The following PSME3 variants were observed in gnomAD, a reference collection of about 807,000 sequenced individuals.
The protein encoded by PSME3 is proteasome activator complex subunit 3.
A neutral mutation model predicts 38.3 loss-of-function variants in PSME3; 7 were observed. The ratio of observed to expected loss-of-function variants is 0.18; its 90% CI spans 0.10 to 0.34. PSME3 has a LOEUF of 0.34. Ranked by LOEUF, PSME3 falls within the 10% of genes least tolerant of loss-of-function variation. The probability of loss-of-function intolerance (pLI) is 1.00; values close to 1 mark genes in which losing one functional copy is unlikely to be tolerated. For synonymous variants in PSME3, 108 were observed against 105.7 expected, an observed-to-expected ratio of 1.02 and a Z score of -0.13; for missense variants, 192 against 307.6, an observed-to-expected ratio of 0.62 and a Z score of 2.81.
Position 42,837,630 on chromosome 17 carries a change from T to C in PSME3, c.244-19T>C, listed in dbSNP as rs752657970. 26 of 1,613,824 alleles carry C rather than the reference T, an allele frequency of 1.6e-5. No homozygotes were observed. Among genetic ancestry groups the C allele is most frequent in the Non-Finnish European group, 2.1e-5 (25 of 1,179,798 alleles). On this transcript the variant is annotated intron_variant, in intron 4 of 10. Coordinates refer to ENST00000590720, the MANE Select transcript of PSME3 (RefSeq NM_005789.4). ...TGGGTGTCAAAACTAGGCTCATCCC[T>C]GCCTCTTTGTATCCTTAGCCCACTT...
intron 6 of PSME3, 82 bp downstream of exon 6, chr17:42,838,287 T>G: frequency 6.3e-7 from 1 of 1,574,980 alleles, no homozygotes; most frequent in Non-Finnish European, 8.6e-7. Context: ...ACGGGTGGTA[T>G]GGGAATTGGC....
At chr17:42,833,886 G>T in intron 1 of PSME3, 1 of 1,463,344 alleles carries the variant, frequency 6.8e-7, no homozygotes, top group Non-Finnish European at 9.0e-7. Context: ...GAGAGTCCCG[G>T]GGACACCTCC....
At position 42,834,865 on chromosome 17, in the gene PSME3, G is replaced by A. The variant is rs2055443044; in HGVS notation, c.232G>A (p.Gly78Arg). Reference sequence around the variant, plus strand: ...CATTCTTCTCACCAATAGCCATGATGGACTGGATGGTGTAAGTGTCCTATA... The same window carrying A: ...CATTCTTCTCACCAATAGCCATGATAGACTGGATGGTGTAAGTGTCCTATA... ...DPILLTNSHD[G>R]LDGPTYKKRR... Residue 78 changes from glycine (G) to arginine (R), a missense_variant, in exon 4 of 11, where the codon GGA becomes AGA. Transcript: ENST00000590720. 6.2e-7 allele frequency: 1 copy of A among 1,613,692 alleles called. No homozygotes were observed. The highest frequency in any genetic ancestry group is 8.5e-7 in the Non-Finnish European group (1 of 1,179,902).
chr17:42,838,867 T>C (rs912166306), intron 7 of PSME3, 68 bp downstream of exon 7: 1 of 1,579,342 alleles, frequency 6.3e-7, no homozygotes. Flanking sequence ...CTGCGTTACC[T>C]TTTTTTCCTT....
rs2055544290 is a variant in PSME3 at position 42,842,329 on chromosome 17, T to G, written c.*751T>G. 1 of 152,794 alleles carries G rather than the reference T, an allele frequency of 6.5e-6. No homozygotes were observed. Among genetic ancestry groups the G allele is most frequent in the South Asian group, 2.1e-4 (1 of 4,830 alleles). The allele number at this position is 152,794 out of a possible 1,614,324, so 9.5% of individuals were successfully genotyped here. The stretch of plus-strand genomic sequence containing the variant: ...ACCTTTCAGGAGGTGACAGTTGTCT[T>G]AGTTGTCATCTACCCAGACAAACGT... On this transcript the variant is annotated 3_prime_UTR_variant, in exon 11 of 11. Transcript: ENST00000590720.
At chr17:42,833,807 C>G (rs746416437) in intron 1 of PSME3, 134 bp downstream of exon 1, 4 of 1,582,382 alleles carry the variant, frequency 2.5e-6, no homozygotes, top group Admixed American at 3.8e-5. Flanking sequence ...AGCCCAGCCC[C>G]CAACTCCCGG....
chr17:42,835,464 G>A (rs1176871295), intron 4 of PSME3, among the ~76,000 whole-genome samples: 1 of 151,890 alleles, frequency 6.6e-6, no homozygotes, highest in South Asian at 2.1e-4. Flanking sequence ...CTTGGCTCAC[G>A]CCTGTAATCC....
intron 8 of PSME3, 28 bp downstream of exon 8, chr17:42,839,040 G>A (rs369233513): frequency 5.0e-5 from 80 of 1,611,346 alleles, no homozygotes; most frequent in East Asian, 3.1e-4. Flanking sequence ...TGGCCGAGGC[G>A]TTGGGGGCTG....
chr17:42,838,542 T>C, intron 6 of PSME3, 189 bp from the exon 7 acceptor site: 1 of 673,096 alleles, frequency 1.5e-6, no homozygotes, highest in South Asian at 1.9e-5. Context: ...GGTCTCGAAC[T>C]CCTGACCTCA....
intron 1 of PSME3, chr17:42,834,011 G>T: frequency 6.9e-7 from 1 of 1,439,856 alleles, no homozygotes. Flanking sequence ...TAGTATCATA[G>T]ACTAGGTCTG....
intron 10 of PSME3, among the ~76,000 whole-genome samples, chr17:42,840,292 A>G (rs116173061): frequency 0.017 from 2,585 of 150,592 alleles, 68 homozygotes; most frequent in African/African-American, 0.06. Flanking sequence ...TCAAATAAAA[A>G]TAAATAAAAT....
In PSME3 at chr17:42,839,344, C is replaced by T; in HGVS notation, c.648C>T (p.Ser216=). The change falls in exon 10 of 11, where the codon AGC becomes AGT. Residue 216 remains serine (S), a synonymous_variant. Transcript: ENST00000590720. ...VTEIDEKEYI[S]LRLIISELRN... ...AGATTGATGAGAAAGAATATATCAG[C>T]CTTCGGCTCATCATATCAGAGCTGA... 6.2e-7 allele frequency: 1 copy of T among 1,613,248 alleles called. No individual in the cohort carries two copies. The highest frequency in any genetic ancestry group is 1.1e-5 in the South Asian group (1 of 91,038).
At chr17:42,835,921 T>C (rs1490287019) in intron 4 of PSME3, among the ~76,000 whole-genome samples, 2 of 152,150 alleles carry the variant, frequency 1.3e-5, no homozygotes, top group South Asian at 2.1e-4. Context: ...CACATGCTAC[T>C]ATAACACTGA....
At chr17:42,838,432 C>T (rs539636741) in intron 6 of PSME3, among the ~76,000 whole-genome samples, 91 of 152,158 alleles carry the variant, frequency 6.0e-4, no homozygotes, top group Admixed American at 2.1e-3. Context: ...CTCAGCCTCC[C>T]GAGTAGCTGG....
At chr17:42,837,200 G>A (rs2055474087) in intron 4 of PSME3, among the ~76,000 whole-genome samples, 1 of 152,082 alleles carries the variant, frequency 6.6e-6, no homozygotes, top group Non-Finnish European at 1.5e-5. Context: ...ATAGGTGCTT[G>A]CCACCACGCC....
At chr17:42,836,383 G>A (rs925277902) in intron 4 of PSME3, among the ~76,000 whole-genome samples, 2 of 152,166 alleles carry the variant, frequency 1.3e-5, no homozygotes, top group Non-Finnish European at 2.9e-5. Context: ...ATACATGTTT[G>A]TTAACTGAAT....
intron 10 of PSME3, 94 bp from the exon 11 acceptor site, chr17:42,841,404 A>G (rs1220377828): frequency 2.0e-5 from 13 of 662,148 alleles, no homozygotes; most frequent in African/African-American, 7.4e-5. Context: ...CCGTATGCAG[A>G]TGATTGCTTG....
rs756349475 is a variant in PSME3, at chr17:42,837,656, A to T, written c.251A>T (p.Tyr84Phe). ...GCCTCTTTGTATCCTTAGCCCACTTATAAGAAGCGAAGGTTGGATGAGTGT... is the reference window on the plus strand; with the variant it reads ...GCCTCTTTGTATCCTTAGCCCACTTTTAAGAAGCGAAGGTTGGATGAGTGT... ...NSHDGLDGPTYKKRRLDECEE... is the reference protein window; with the variant it reads ...NSHDGLDGPTFKKRRLDECEE... The change falls in exon 5 of 11, where the codon TAT becomes TTT. Residue 84 changes from tyrosine to phenylalanine, a missense_variant. Coordinates refer to ENST00000590720, the MANE Select transcript of PSME3 (RefSeq NM_005789.4). 6.2e-7 allele frequency: 1 copy of T among 1,614,116 alleles called. No homozygotes were observed. The highest frequency in any genetic ancestry group is 1.3e-5 in the African/African-American group (1 of 75,026).
At chr17:42,836,032 G>T (rs569269528) in intron 4 of PSME3, among the ~76,000 whole-genome samples, 40 of 144,286 alleles carry the variant, frequency 2.8e-4, no homozygotes, top group Middle Eastern at 3.8e-3. Flanking sequence ...TTGAGACAGA[G>T]TCTCACTCTG....
Sources: gnomAD v4.1 joint callset for allele counts (sites outside exome capture counted in the v4.1 genomes callset) on GRCh38, gnomAD v4.1.1 for gene constraint, MANE v1.5 for transcripts, NCBI Gene and HGNC (gene_info 2026-07-23, HGNC 2026-07-21) for gene names.